CNTN5: variants seen among roughly 807,000 people sequenced by gnomAD.
CNTN5 encodes contactin 5.
In CNTN5, 77 loss-of-function variants were observed where a neutral mutation model predicts 129.1. The ratio of observed to expected loss-of-function variants is 0.60; its 90% confidence interval spans 0.50 to 0.72. CNTN5 has a LOEUF of 0.72. CNTN5 is among the 30% of genes least tolerant of loss of function. The pLI, the probability that CNTN5 is intolerant of heterozygous loss-of-function variation, is 0.00. For missense variants in CNTN5, 1,478 were observed against 1,328.8 expected (o/e 1.11, Z -1.75); for synonymous variants, 509 against 465.6 (o/e 1.09, Z -1.20).
intron 13 of CNTN5, among the ~76,000 whole-genome samples, chr11:100,089,456 G>A (rs894230244): frequency 6.6e-6 from 1 of 152,164 alleles, no homozygotes. Context: ...TACACTCTTG[G>A]TGAGAATGTA....
chr11:99,785,274 A>G (rs555757325), intron 3 of CNTN5, among the ~76,000 whole-genome samples: 2 of 151,902 alleles, frequency 1.3e-5, no homozygotes, highest in Admixed American at 1.3e-4. Context: ...AAATTTGTTT[A>G]TGTTCTTTGT....
chr11:99,364,105 T>C (rs1432317335), intron 2 of CNTN5, among the ~76,000 whole-genome samples: 1 of 152,056 alleles, frequency 6.6e-6, no homozygotes, highest in African/African-American at 2.4e-5. Context: ...GGAAACAAAA[T>C]AAGCTTTGAT....
chr11:100,349,094 A>G (rs1410381900), intron 23 of CNTN5, among the ~76,000 whole-genome samples: 2 of 151,928 alleles, frequency 1.3e-5, no homozygotes, highest in Non-Finnish European at 2.9e-5. Context: ...TCATAATTAA[A>G]TGGAGAATTC....
At chr11:99,182,195 C>T (rs1223668622) in intron 1 of CNTN5, among the ~76,000 whole-genome samples, 1 of 152,104 alleles carries the variant, frequency 6.6e-6, no homozygotes, top group Non-Finnish European at 1.5e-5. Flanking sequence ...TGCTTTTTCC[C>T]ATTAATTTTT....
At chr11:99,824,638 T>C (rs1396743560) in intron 4 of CNTN5, among the ~76,000 whole-genome samples, 3 of 151,968 alleles carry the variant, frequency 2.0e-5, no homozygotes, top group Non-Finnish European at 1.5e-5. Context: ...TCTGTGCTTT[T>C]CATGTCCTAA....
intron 9 of CNTN5, among the ~76,000 whole-genome samples, chr11:100,057,723 A>G (rs1943294205): frequency 1.3e-5 from 2 of 152,072 alleles, no homozygotes; most frequent in East Asian, 3.9e-4. Flanking sequence ...TCATATTAGA[A>G]CCCAGGTTTC....
At chr11:99,772,912 G>C (rs1591141790) in intron 3 of CNTN5, among the ~76,000 whole-genome samples, 1 of 151,928 alleles carries the variant, frequency 6.6e-6, no homozygotes, top group African/African-American at 2.4e-5. Context: ...TGTCCTATTG[G>C]TTTTGTATTG....
chr11:100,239,953 T>A (rs1591427200), intron 16 of CNTN5, among the ~76,000 whole-genome samples: 1 of 152,364 alleles, frequency 6.6e-6, no homozygotes, highest in Middle Eastern at 3.4e-3. Flanking sequence ...TATAATTATT[T>A]CTTTCATACT....
chr11:100,079,927 C>T (rs964322006), intron 13 of CNTN5, among the ~76,000 whole-genome samples: 2 of 152,124 alleles, frequency 1.3e-5, no homozygotes, highest in South Asian at 4.1e-4. Context: ...AAAATATAAT[C>T]ATCCAGAAGC....
intron 1 of CNTN5, among the ~76,000 whole-genome samples, chr11:99,299,406 A>G (rs1864526992): frequency 6.6e-6 from 1 of 152,208 alleles, no homozygotes; most frequent in Admixed American, 6.5e-5. Context: ...ATTAACAAAA[A>G]AAATTACTGG....
chr11:99,541,036 C>T (rs917674986), intron 2 of CNTN5, among the ~76,000 whole-genome samples: 5 of 152,244 alleles, frequency 3.3e-5, no homozygotes, highest in African/African-American at 7.2e-5. Context: ...TCAGGATCTC[C>T]CTGCCCTCTT....
At chr11:99,341,667 T>C (rs1866519997) in intron 2 of CNTN5, among the ~76,000 whole-genome samples, 1 of 152,146 alleles carries the variant, frequency 6.6e-6, no homozygotes, top group Non-Finnish European at 1.5e-5. Context: ...AAGTATGTTA[T>C]CTACAAACAA....
chr11:99,704,001 C>A (rs1393485855), intron 3 of CNTN5, among the ~76,000 whole-genome samples: 1 of 150,790 alleles, frequency 6.6e-6, no homozygotes, highest in Non-Finnish European at 1.5e-5. Context: ...TAGTGAACTG[C>A]TTAAGCACCA....
At chr11:99,610,617 T>A (rs2135728915) in intron 3 of CNTN5, among the ~76,000 whole-genome samples, 1 of 152,276 alleles carries the variant, frequency 6.6e-6, no homozygotes, top group South Asian at 2.1e-4. Flanking sequence ...AAACGTAGTT[T>A]CAGTGCAGAC....
At chr11:99,731,182 C>G (rs1943520858) in intron 3 of CNTN5, among the ~76,000 whole-genome samples, 1 of 151,714 alleles carries the variant, frequency 6.6e-6, no homozygotes, top group African/African-American at 2.4e-5. Flanking sequence ...GATCTCGGCT[C>G]ACTGCAAGCT....
chr11:100,045,769 CACAA>C (rs892466332), intron 9 of CNTN5, among the ~76,000 whole-genome samples: 4 of 147,100 alleles, frequency 2.7e-5, no homozygotes, highest in African/African-American at 7.5e-5. Context: ...GATGCCATCA[CACAA>C]ACAAATGGTA....
At chr11:100,356,094 A>G (rs1319577311) in intron 24 of CNTN5, 23 bp from the exon 25 acceptor site, 15 of 1,550,322 alleles carry the variant, frequency 9.7e-6, no homozygotes, top group Non-Finnish European at 1.2e-5. Flanking sequence ...AATTTGCTCC[A>G]TTTGATGCTT....
At chr11:99,670,705 G>T (rs911238940) in intron 3 of CNTN5, among the ~76,000 whole-genome samples, 1 of 152,126 alleles carries the variant, frequency 6.6e-6, no homozygotes, top group African/African-American at 2.4e-5. Context: ...TGAAGATCTG[G>T]GGTGTGGGGG....
chr11:99,399,787 T>C (rs559335252), intron 2 of CNTN5, among the ~76,000 whole-genome samples: 7 of 152,050 alleles, frequency 4.6e-5, no homozygotes, highest in African/African-American at 1.2e-4. Flanking sequence ...CTCTCAGATA[T>C]TTGTTATTGT....
Sources: gnomAD v4.1 joint callset for allele counts (sites outside exome capture counted in the v4.1 genomes callset) on GRCh38, gnomAD v4.1.1 for gene constraint, MANE v1.5 for transcripts, NCBI Gene and HGNC (gene_info 2026-07-23, HGNC 2026-07-21) for gene names.